The following MYO18B variants were observed in gnomAD, a reference collection of about 807,000 sequenced individuals.
The protein encoded by MYO18B is myosin XVIIIB.
A neutral mutation model predicts 273.0 loss-of-function variants in MYO18B; 204 were observed. The ratio of observed to expected loss-of-function variants is 0.75; its 90% CI spans 0.67 to 0.84. The LOEUF (loss-of-function observed/expected upper bound fraction) is 0.84, where lower values mean the gene tolerates loss of function less well. Ranked by LOEUF, MYO18B falls within the 40% of genes least tolerant of loss-of-function variation. The pLI is 0.00. For missense variants in MYO18B, 3,212 were observed against 3,287.6 expected, an observed-to-expected ratio of 0.98 and a Z score of 0.56; for synonymous variants, 1,330 against 1,305.7, an observed-to-expected ratio of 1.02 and a Z score of -0.40.
At chr22:25,844,290 G>T (rs925990367) in intron 18 of MYO18B, among the ~76,000 whole-genome samples, 1 of 152,182 alleles carries the variant, frequency 6.6e-6, no homozygotes, top group Non-Finnish European at 1.5e-5. Flanking sequence ...ATGTTCCCTG[G>T]CTGCTCAGCC....
At chr22:25,800,296 C>A (rs889341125) in intron 12 of MYO18B, among the ~76,000 whole-genome samples, 115 of 152,206 alleles carry the variant, frequency 7.6e-4, no homozygotes, top group African/African-American at 2.1e-3. Context: ...AGAACTTGAC[C>A]AAAAACCACC....
the MYO18B span, among the ~76,000 whole-genome samples, chr22:26,059,345 GA>G: frequency 6.6e-6 from 1 of 152,230 alleles, no homozygotes; most frequent in East Asian, 1.9e-4. Flanking sequence ...GAGTGAATGA[GA>G]CGGAGATTGT....
In MYO18B at chr22:25,826,470, CTT is replaced by C; in HGVS notation, c.2759_2760del (p.Phe920CysfsTer44). The C allele has an allele frequency of 6.2e-7, 1 of 1,613,836 alleles. No homozygotes were observed. The highest frequency in any genetic ancestry group is 8.5e-7 in the Non-Finnish European group (1 of 1,179,776). ...GMASGLYQELFAAVVSLINRS... is the reference protein window; with the variant it reads ...GMASGLYQELXAAVVSLINRS... ...TGGCCTCGGGCCTGTACCAGGAACT[CTT>C]TGCGGCTGTGGTCTCACTCATCAAC... On this transcript the variant is annotated frameshift_variant, in exon 14 of 44. Transcript: ENST00000335473. LOFTEE classifies it high-confidence loss of function.
At chr22:25,936,091 T>C (rs868203388) in intron 34 of MYO18B, among the ~76,000 whole-genome samples, 3 of 152,160 alleles carry the variant, frequency 2.0e-5, no homozygotes, top group African/African-American at 7.2e-5. Context: ...GAGACAGACG[T>C]GGAGGCACAA....
At chr22:25,821,510 G>A (rs903282327) in intron 12 of MYO18B, among the ~76,000 whole-genome samples, 1 of 152,174 alleles carries the variant, frequency 6.6e-6, no homozygotes, top group African/African-American at 2.4e-5. Context: ...GGGAGTGGGG[G>A]CTCACGCCTG....
chr22:26,006,947 T>A (rs1934478054), intron 42 of MYO18B, among the ~76,000 whole-genome samples: 2 of 152,198 alleles, frequency 1.3e-5, no homozygotes, highest in East Asian at 1.9e-4. Flanking sequence ...GAGCAACTGA[T>A]CCATGCATAG....
At chr22:25,970,821 A>AT (rs2093029399) in intron 39 of MYO18B, among the ~76,000 whole-genome samples, 3 of 105,330 alleles carry the variant, frequency 2.8e-5, no homozygotes, top group African/African-American at 1.7e-4. Context: ...AGAGAGACTT[A>AT]AACACTCAGG....
intron 39 of MYO18B, among the ~76,000 whole-genome samples, chr22:25,967,546 G>T (rs1036549605): frequency 3.9e-5 from 6 of 152,180 alleles, no homozygotes; most frequent in African/African-American, 7.2e-5. Context: ...GGGGATCTCA[G>T]AATATGAGGA....
rs777215513 is a variant in MYO18B, at chr22:25,781,747, A to T, written c.2225A>T (p.Glu742Val). 2.5e-6 allele frequency: 4 copies of T among 1,569,904 alleles called. No homozygotes were observed. The South Asian group carries it at 4.8e-5, about 19-fold the overall frequency. Residue 742 changes from glutamate (E) to valine (V), a missense_variant, in exon 10 of 44, where the codon GAG becomes GTG. Glu to Val is a moderately radical substitution (Grantham distance 121, BLOSUM62 -2). Transcript: ENST00000335473. ...TAAQLQTMLL[E>V]KSRVARQPEG... is the part of the protein sequence containing the mutation. ...CTCTCCCTGCAGACAATGCTTTTGG[A>T]GAAGAGCCGCGTGGCACGGCAGCCG...
chr22:25,822,066 A>G (rs1209363515), intron 12 of MYO18B, among the ~76,000 whole-genome samples: 1 of 152,174 alleles, frequency 6.6e-6, no homozygotes, highest in Non-Finnish European at 1.5e-5. Context: ...CTAATTTTAA[A>G]TGGCTTTATA....
chr22:25,826,211 G>A (rs975853822), intron 13 of MYO18B, among the ~76,000 whole-genome samples, 198 bp from the exon 14 acceptor site: 1 of 152,168 alleles, frequency 6.6e-6, no homozygotes, highest in Non-Finnish European at 1.5e-5. Context: ...GGTAGGGCAG[G>A]TTACATAGGA....
chr22:25,933,211 G>T lies in MYO18B; in HGVS notation c.5517+11802G>T, dbSNP rs2092531729. 2.6e-5 allele frequency among the ~76,000 whole-genome samples: 4 copies of T among 152,052 alleles called. No individual in the cohort carries two copies. In the South Asian group the frequency reaches 8.3e-4, roughly 32 times the overall value. On this transcript the variant is annotated intron_variant, in intron 34 of 43. Coordinates refer to ENST00000335473, the MANE Select transcript of MYO18B (RefSeq NM_032608.7). Reference sequence around the variant, plus strand: ...TTTCAGAGCCATTTTTATTTATGCAGGTCTGAGATTCCCAGGACAAAGGAC... The same window carrying T: ...TTTCAGAGCCATTTTTATTTATGCATGTCTGAGATTCCCAGGACAAAGGAC...
In MYO18B at chr22:25,802,363, G is replaced by T. The variant is rs576808527; in HGVS notation, c.2521+4266G>T. Among the ~76,000 whole-genome samples the T allele has an allele frequency of 5.1e-4, 77 of 152,260 alleles. 1 individual carries two copies. The highest frequency in any genetic ancestry group is 1.1e-3 in the Non-Finnish European group (72 of 68,014). On this transcript the variant is annotated intron_variant, in intron 12 of 43. Transcript: ENST00000335473. ...AAGCTCTCTGAACCCCATCCTTTAG[G>T]GGTTTCCATGGAGGTTTCTCTATGC...
intron 42 of MYO18B, among the ~76,000 whole-genome samples, chr22:26,010,416 C>T (rs6004888): frequency 0.029 from 4,485 of 152,184 alleles, 88 homozygotes; most frequent in African/African-American, 0.039. Context: ...GCCTGACCAG[C>T]GGGCCTGGAA....
chr22:25,968,106 G>A (rs1307817035), intron 39 of MYO18B, among the ~76,000 whole-genome samples: 1 of 152,172 alleles, frequency 6.6e-6, no homozygotes, highest in East Asian at 1.9e-4. Context: ...CAAACAGCAA[G>A]GCTATCAACC....
the MYO18B span, among the ~76,000 whole-genome samples, chr22:26,036,675 C>T: frequency 6.6e-6 from 1 of 152,106 alleles, no homozygotes; most frequent in Non-Finnish European, 1.5e-5. Context: ...AGGCTTGCTG[C>T]AAAGGGTAGG....
At chr22:25,976,891 G>A (rs1337376896) in intron 39 of MYO18B, among the ~76,000 whole-genome samples, 3 of 152,136 alleles carry the variant, frequency 2.0e-5, no homozygotes, top group African/African-American at 4.8e-5. Flanking sequence ...CATTTGTTAC[G>A]AGGTGACGGG....
intron 12 of MYO18B, among the ~76,000 whole-genome samples, chr22:25,809,458 T>A (rs1308523738): frequency 2.0e-5 from 3 of 152,122 alleles, no homozygotes; most frequent in Non-Finnish European, 2.9e-5. Context: ...GGCCCATGGG[T>A]TATTTAGTTT....
At chr22:25,945,725 TCCCCTCGCCTCCCCTCGC>T (rs2092697949) in intron 34 of MYO18B, among the ~76,000 whole-genome samples, 1 of 5,600 alleles carries the variant, frequency 1.8e-4, no homozygotes, top group Non-Finnish European at 3.3e-4. Context: ...TCCCCTCCCC[TCCCCTCGCCTCCCCTCGC>T]CTCCCCTCCC....
Sources: allele counts gnomAD v4.1 joint callset (sites outside exome capture counted in the v4.1 genomes callset), GRCh38; gene constraint gnomAD v4.1.1; transcripts MANE v1.5; gene names NCBI Gene and HGNC (gene_info 2026-07-23, HGNC 2026-07-21).